Variants in HERPUD1 observed in about 807,000 individuals in gnomAD.
HERPUD1 encodes homocysteine-responsive endoplasmic reticulum-resident ubiquitin-like domain member 1 protein.
In HERPUD1, 17 loss-of-function variants were observed where a neutral mutation model predicts 45.0. The ratio of observed to expected loss-of-function variants is 0.38; its 90% CI spans 0.26 to 0.57. The LOEUF (loss-of-function observed/expected upper bound fraction) is 0.57, where lower values mean the gene tolerates loss of function less well. Ranked by LOEUF, HERPUD1 falls within the 20% of genes least tolerant of loss-of-function variation. The pLI is 0.72. For missense variants in HERPUD1, 420 were observed against 490.5 expected (o/e 0.86, Z 1.36); for synonymous variants, 164 against 177.5 (o/e 0.92, Z 0.61).
chr16:56,933,300 C>G (rs371753854), intron 1 of HERPUD1: 10 of 455,880 alleles, frequency 2.2e-5, no homozygotes, highest in African/African-American at 2.0e-4. Context: ...TTCATATGGT[C>G]AAGAATGTTT....
At chr16:56,935,595 T>A in intron 3 of HERPUD1, 120 bp downstream of exon 3, 1 of 825,024 alleles carries the variant, frequency 1.2e-6, no homozygotes, top group South Asian at 1.5e-5. Flanking sequence ...CAAGTAATAT[T>A]TTGTTTCTTT....
chr16:56,935,620 A>C, intron 3 of HERPUD1, 145 bp downstream of exon 3: 1 of 686,052 alleles, frequency 1.5e-6, no homozygotes, highest in Non-Finnish European at 2.5e-6. Context: ...GGAATTAGAA[A>C]CTGTATTATC....
chr16:56,942,008 G>T, intron 6 of HERPUD1, 124 bp from the exon 7 acceptor site: 1 of 716,254 alleles, frequency 1.4e-6, no homozygotes, highest in Non-Finnish European at 2.5e-6. Flanking sequence ...AAATGCCTCT[G>T]TAGATGGGTC....
chr16:56,933,265 T>G (rs72786778), intron 1 of HERPUD1: 16,472 of 456,036 alleles, frequency 0.036, 443 homozygotes, highest in Non-Finnish European at 0.052. Flanking sequence ...TTCCAGCTTG[T>G]GGTAGCGCCT....
chr16:56,943,768 T>A lies in HERPUD1; in HGVS notation c.*478T>A. 4.2e-6 allele frequency: 1 copy of A among 237,922 alleles called. No individual in the cohort carries two copies. The highest frequency in any genetic ancestry group is 8.5e-6 in the Non-Finnish European group (1 of 117,516). 14.7% of individuals were successfully genotyped at this position (237,922 alleles called of 1,614,324 possible). ...GCAGGACTTTTCTAGGAAAGACTTA[T>A]GTATAATTGCTTTTTAAAATGCAGT... On this transcript the variant is annotated 3_prime_UTR_variant, in exon 8 of 8. Coordinates refer to ENST00000439977, the MANE Select transcript of HERPUD1 (RefSeq NM_014685.4).
intron 6 of HERPUD1, 164 bp downstream of exon 6, chr16:56,940,409 C>T (rs1253494936): frequency 6.7e-6 from 4 of 597,028 alleles, no homozygotes; most frequent in East Asian, 5.7e-5. Context: ...CAGGTTCAAG[C>T]GATTCTCCTG....
At position 56,932,242 on chromosome 16, in the gene HERPUD1, G is replaced by T; in HGVS notation, c.-3G>T. 2 of 1,606,804 alleles carry T rather than the reference G, an allele frequency of 1.2e-6. No individual in the cohort carries two copies. The highest frequency in any genetic ancestry group is 1.1e-5 in the South Asian group (1 of 90,880). ...GCGGAGCCCCGACACCGCCGCCGCC[G>T]CCATGGAGTCCGAGACCGAACCCGA... On this transcript the variant is annotated 5_prime_UTR_variant, in exon 1 of 8. Coordinates refer to ENST00000439977, the MANE Select transcript of HERPUD1 (RefSeq NM_014685.4).
At chr16:56,936,481 A>G (rs1352845498) in intron 3 of HERPUD1, 2 of 345,782 alleles carry the variant, frequency 5.8e-6, no homozygotes, top group East Asian at 4.5e-5. Context: ...GGGAAAAAAT[A>G]TGAATATTTT....
At position 56,942,205 on chromosome 16, in the gene HERPUD1, G is replaced by A. The variant is rs117611674; in HGVS notation, c.979G>A (p.Val327Ile). The A allele has an allele frequency of 1.6e-4, 253 of 1,613,896 alleles. No homozygotes were observed. Among genetic ancestry groups the A allele is most frequent in the Non-Finnish European group, 2.0e-4 (232 of 1,179,798 alleles). ...CCCAAATGATGGTCCTCCTCCTGACGTTGTAAATCAGGACCCCAACAATAA... is the reference window on the plus strand; with the variant it reads ...CCCAAATGATGGTCCTCCTCCTGACATTGTAAATCAGGACCCCAACAATAA... ...NFPNDGPPPD[V>I]VNQDPNNNLQ... The change falls in exon 7 of 8, where the codon GTT becomes ATT. Residue 327 changes from valine to isoleucine, a missense_variant. Transcript: ENST00000439977.
chr16:56,939,440 C>G, intron 5 of HERPUD1, 81 bp downstream of exon 5: 1 of 1,544,082 alleles, frequency 6.5e-7, no homozygotes, highest in South Asian at 1.1e-5. Flanking sequence ...CTGTAAAGTT[C>G]AGAATGGAGG....
At chr16:56,939,184 T>A in intron 4 of HERPUD1, 53 bp from the exon 5 acceptor site, 19 of 1,567,288 alleles carry the variant, frequency 1.2e-5, no homozygotes, top group Non-Finnish European at 1.6e-5. Flanking sequence ...TTAGTTTTCA[T>A]TTGTTCATAC....
At chr16:56,933,242 G>A (rs955238479) in intron 1 of HERPUD1, 2 of 455,884 alleles carry the variant, frequency 4.4e-6, no homozygotes, top group African/African-American at 4.0e-5. Context: ...GGAAAAGATA[G>A]TGAAGTCGTG....
intron 1 of HERPUD1, among the ~76,000 whole-genome samples, chr16:56,934,444 C>T (rs2055849541): frequency 6.6e-6 from 1 of 152,070 alleles, no homozygotes; most frequent in South Asian, 2.1e-4. Context: ...ATAATGTCAC[C>T]CACACGCCAT....
At chr16:56,934,634 T>G (rs1400725080) in intron 1 of HERPUD1, among the ~76,000 whole-genome samples, 1 of 151,898 alleles carries the variant, frequency 6.6e-6, no homozygotes, top group African/African-American at 2.4e-5. Flanking sequence ...TGCTGTTTGT[T>G]GCTTTTAGTA....
chr16:56,943,711 A>G lies in HERPUD1; in HGVS notation c.*421A>G, dbSNP rs551781082. On this transcript the variant is annotated 3_prime_UTR_variant, in exon 8 of 8. Transcript: ENST00000439977. ...TAAATTACACTAAGTGTACTACTTT[A>G]TATAATCAATGAAATTGCTAGACAT... 2 of 272,602 alleles carry G rather than the reference A, an allele frequency of 7.3e-6. No individual in the cohort carries two copies. Among genetic ancestry groups the G allele is most frequent in the East Asian group, 1.1e-4 (2 of 18,858 alleles). 16.9% of individuals were successfully genotyped at this position (272,602 alleles called of 1,614,324 possible).
chr16:56,933,190 A>G (rs1204057733), intron 1 of HERPUD1: 2 of 448,926 alleles, frequency 4.5e-6, no homozygotes, highest in Non-Finnish European at 8.9e-6. Flanking sequence ...TTCACTGCCC[A>G]CGAGCATAAT....
intron 3 of HERPUD1, chr16:56,935,821 A>G (rs2144817834): frequency 4.7e-6 from 1 of 212,816 alleles, no homozygotes; most frequent in Non-Finnish European, 9.5e-6. Flanking sequence ...AGGAGTCACT[A>G]ATTTTTATAA....
At position 56,940,125 on chromosome 16, in the gene HERPUD1, G is replaced by C. The variant is rs748445928; in HGVS notation, c.785G>C (p.Arg262Pro). The change falls in exon 6 of 8, where the codon CGA becomes CCA. Residue 262 changes from arginine to proline, a missense_variant. Transcript: ENST00000439977. The part of the protein sequence containing the change: ...PIVEEDDEIN[R>P]DWLDWTYSAA... ...GTGGAAGAAGATGATGAAATAAATCGAGATTGGTTGGATTGGACCTATTCA... is the reference window on the plus strand; with the variant it reads ...GTGGAAGAAGATGATGAAATAAATCCAGATTGGTTGGATTGGACCTATTCA... 1.2e-6 allele frequency: 2 copies of C among 1,614,192 alleles called. No individual in the cohort carries two copies. The highest frequency in any genetic ancestry group is 1.7e-6 in the Non-Finnish European group (2 of 1,180,010).
chr16:56,934,699 A>ATTTTTTTT (rs1257594998), intron 1 of HERPUD1, among the ~76,000 whole-genome samples: 24 of 73,074 alleles, frequency 3.3e-4, no homozygotes, highest in Admixed American at 6.0e-4. Context: ...ATAATTTGCC[A>ATTTTTTTT]TTCTTTTTTT....
Sources: allele counts gnomAD v4.1 joint callset (sites outside exome capture counted in the v4.1 genomes callset), GRCh38; gene constraint gnomAD v4.1.1; transcripts MANE v1.5; gene names NCBI Gene and HGNC (gene_info 2026-07-23, HGNC 2026-07-21).